SLC8A1: variants seen among roughly 807,000 people sequenced by gnomAD.
SLC8A1 encodes the protein sodium/calcium exchanger 1.
A neutral mutation model predicts 68.3 loss-of-function variants in SLC8A1; 18 were observed. That is an observed-to-expected ratio of 0.26 (90% CI 0.18 to 0.39). The LOEUF (loss-of-function observed/expected upper bound fraction) is 0.39. Ranked by LOEUF, SLC8A1 falls within the 10% of genes least tolerant of loss-of-function variation. SLC8A1 has a pLI of 1.00. For synonymous variants in SLC8A1, 475 were observed against 415.5 expected (o/e 1.14, Z -1.74); for missense variants, 985 against 1,156.7 (o/e 0.85, Z 2.15).
intron 7 of SLC8A1, among the ~76,000 whole-genome samples, chr2:40,122,238 A>ACG (rs1558435172): frequency 3.4e-5 from 5 of 148,350 alleles, no homozygotes; most frequent in South Asian, 2.2e-4. Flanking sequence ...GTGCGCGCGC[A>ACG]CACACACACA....
intron 2 of SLC8A1, among the ~76,000 whole-genome samples, chr2:40,196,726 C>T (rs981202433): frequency 2.0e-5 from 3 of 152,028 alleles, no homozygotes; most frequent in African/African-American, 4.8e-5. Context: ...CCTTTTCTTT[C>T]ATTATCTGTC....
At chr2:40,187,176 C>T (rs569665962) in intron 2 of SLC8A1, among the ~76,000 whole-genome samples, 80 of 152,200 alleles carry the variant, frequency 5.3e-4, no homozygotes, top group African/African-American at 1.8e-3. Context: ...GTCCAGAATC[C>T]GAAACTCAAG....
chr2:40,223,951 C>A (rs1277828052), intron 2 of SLC8A1, among the ~76,000 whole-genome samples: 1 of 152,048 alleles, frequency 6.6e-6, no homozygotes, highest in Non-Finnish European at 1.5e-5. Flanking sequence ...AGAGACAAAG[C>A]AGGAGGAGCC....
intron 2 of SLC8A1, among the ~76,000 whole-genome samples, chr2:40,330,459 A>G (rs1357829719): frequency 6.6e-6 from 1 of 152,254 alleles, no homozygotes; most frequent in African/African-American, 2.4e-5. Context: ...AAGGCTGACT[A>G]CATTTGGTAT....
intron 2 of SLC8A1, among the ~76,000 whole-genome samples, chr2:40,198,572 A>C (rs1383163506): frequency 6.6e-6 from 1 of 151,996 alleles, no homozygotes; most frequent in Non-Finnish European, 1.5e-5. Flanking sequence ...ACTGACCCAG[A>C]GTATAAATAC....
intron 2 of SLC8A1, among the ~76,000 whole-genome samples, chr2:40,329,060 T>TCACACACACA (rs70957170): frequency 7.1e-6 from 1 of 141,144 alleles, no homozygotes; most frequent in Non-Finnish European, 1.6e-5. Flanking sequence ...CACTACAACC[T>TCACACACACA]CACACACACA....
At chr2:40,365,779 T>A (rs1575733543) in intron 2 of SLC8A1, among the ~76,000 whole-genome samples, 1 of 151,990 alleles carries the variant, frequency 6.6e-6, no homozygotes, top group Admixed American at 6.6e-5. Context: ...AGTAGGAGGA[T>A]TGCTTGAGGC....
intron 1 of SLC8A1, among the ~76,000 whole-genome samples, chr2:40,509,126 T>A (rs1297028829): frequency 1.3e-5 from 2 of 152,214 alleles, no homozygotes; most frequent in Non-Finnish European, 2.9e-5. Context: ...GCATACAATT[T>A]TCTTCCAATA....
intron 2 of SLC8A1, among the ~76,000 whole-genome samples, chr2:40,243,657 G>C (rs1257165455): frequency 6.6e-6 from 1 of 152,182 alleles, no homozygotes; most frequent in East Asian, 1.9e-4. Context: ...ACAAAGGAAT[G>C]CAACATCACA....
intron 2 of SLC8A1, among the ~76,000 whole-genome samples, chr2:40,293,171 T>A (rs1055899585): frequency 8.5e-5 from 13 of 152,190 alleles, no homozygotes; most frequent in Non-Finnish European, 1.6e-4. Context: ...TCCTATTCAA[T>A]GTCTATTGAC....
At chr2:40,310,276 C>T (rs573585616) in intron 2 of SLC8A1, among the ~76,000 whole-genome samples, 17 of 152,260 alleles carry the variant, frequency 1.1e-4, no homozygotes, top group East Asian at 3.9e-4. Flanking sequence ...AGCACATTTA[C>T]GGTGTAGCCC....
chr2:40,299,655 C>T (rs1262528358), intron 2 of SLC8A1, among the ~76,000 whole-genome samples: 1 of 152,108 alleles, frequency 6.6e-6, no homozygotes, highest in Non-Finnish European at 1.5e-5. Flanking sequence ...TTGCCTAAAT[C>T]CTCCCCCACC....
rs766112156 is a variant in SLC8A1 at position 40,160,759 on chromosome 2, A to G, written c.2161+6T>C. ...TAATTTATAATATGCAGAGAAAGGC[A>G]CTCACCAGCACTGACAGTGATAGCT... On this transcript the variant is annotated splice_donor_region_variant and intron_variant, in intron 6 of 7. Coordinates refer to ENST00000406785, the Ensembl canonical transcript of SLC8A1. 1 of 1,611,342 alleles carries G rather than the reference A, an allele frequency of 6.2e-7. No individual in the cohort carries two copies. Among genetic ancestry groups the G allele is most frequent in the East Asian group, 2.2e-5 (1 of 44,852 alleles).
At chr2:40,258,322 C>G (rs1405122077) in intron 2 of SLC8A1, among the ~76,000 whole-genome samples, 1 of 152,164 alleles carries the variant, frequency 6.6e-6, no homozygotes, top group Non-Finnish European at 1.5e-5. Flanking sequence ...AGAGCAAGAA[C>G]AAAGTACTTC....
exon 2 of SLC8A1, chr2:40,428,722 C>A: frequency 6.2e-7 from 1 of 1,613,762 alleles, no homozygotes; most frequent in Non-Finnish European, 8.5e-7. Flanking sequence ...AGATCCGAGG[C>A]AAGCAAGTGT....
chr2:40,253,626 G>C (rs1485023234), intron 2 of SLC8A1, among the ~76,000 whole-genome samples: 1 of 151,798 alleles, frequency 6.6e-6, no homozygotes, highest in African/African-American at 2.4e-5. Context: ...AGGAGTTCGA[G>C]GCCAGCCTGA....
In SLC8A1 at chr2:40,402,719, C is replaced by T. The variant is rs1208906329; in HGVS notation, c.1808+25754G>A. On this transcript the variant is annotated intron_variant, in intron 2 of 7. Transcript: ENST00000406785. ...AGTGCAAAAGAAAAACTCTTCACCA[C>T]GTCTTTCTGCAGAGTTTCCACCCAA... 3.9e-5 allele frequency among the ~76,000 whole-genome samples: 6 copies of T among 152,282 alleles called. No individual in the cohort carries two copies. The East Asian group carries it at 5.8e-4, about 15-fold the overall frequency.
intron 2 of SLC8A1, among the ~76,000 whole-genome samples, chr2:40,389,929 GAC>G (rs34564306): frequency 1.1e-4 from 17 of 149,066 alleles, no homozygotes; most frequent in South Asian, 4.2e-4. Context: ...CCAATTTATA[GAC>G]ACACACACAC....
chr2:40,314,050 T>G (rs1030028424), intron 2 of SLC8A1, among the ~76,000 whole-genome samples: 5 of 152,112 alleles, frequency 3.3e-5, no homozygotes, highest in Admixed American at 3.3e-4. Flanking sequence ...ATAGATAATG[T>G]TTTGGATAAA....
Sources: gnomAD v4.1 joint callset for allele counts (sites outside exome capture counted in the v4.1 genomes callset) on GRCh38, gnomAD v4.1.1 for gene constraint, MANE v1.5 for transcripts, NCBI Gene and HGNC (gene_info 2026-07-23, HGNC 2026-07-21) for gene names.